Variants in CCDC66 observed in about 807,000 individuals in gnomAD.
The protein encoded by CCDC66 is coiled-coil domain-containing protein 66.
A neutral mutation model predicts 128.3 loss-of-function variants in CCDC66; 133 were observed. That is an observed-to-expected ratio of 1.04 (90% CI 0.90 to 1.20). CCDC66 has a LOEUF of 1.20. Among genes scored for constraint, CCDC66 ranks in the 50% most tolerant of loss-of-function variants. CCDC66 has a pLI of 0.00. For synonymous variants in CCDC66, 387 were observed against 357.0 expected (o/e 1.08, Z -0.95); for missense variants, 1,126 against 1,075.5 (o/e 1.05, Z -0.66).
chr3:56,615,552 A>G (rs906733171), intron 12 of CCDC66: 21 of 354,678 alleles, frequency 5.9e-5, no homozygotes, highest in African/African-American at 4.1e-4. Context: ...ATGATTGCCT[A>G]TTTTTAATAC....
In CCDC66 at chr3:56,559,014, GAT is replaced by G; in HGVS notation, c.76+107_76+108del. On this transcript the variant is annotated intron_variant, in intron 2 of 17. Coordinates refer to ENST00000394672, the MANE Select transcript of CCDC66 (RefSeq NM_001141947.3). ...GCTTGTAATAGAGTGATATTTAAAT[GAT>G]ATTTTAGAAAAAGCTGTTTCCTCAA... 4 of 816,154 alleles carry G rather than the reference GAT, an allele frequency of 4.9e-6. No homozygotes were observed. In the South Asian group the frequency reaches 7.3e-5, roughly 15 times the overall value. 50.6% of individuals were successfully genotyped at this position (816,154 alleles called of 1,614,324 possible).
At chr3:56,592,202 A>T (rs969658597) in intron 7 of CCDC66, among the ~76,000 whole-genome samples, 20 of 152,218 alleles carry the variant, frequency 1.3e-4, no homozygotes, top group Admixed American at 2.0e-4. Context: ...GACATGATTC[A>T]ATAGGGAAAG....
Position 56,615,273 on chromosome 3 carries a change from G to C in CCDC66, c.1711+1G>C. The C allele has an allele frequency of 6.2e-7, 1 of 1,608,392 alleles. No individual in the cohort carries two copies. Among genetic ancestry groups the C allele is most frequent in the Non-Finnish European group, 8.5e-7 (1 of 1,177,604 alleles). Reference sequence around the variant, plus strand: ...TCTAGACTGATTAAAAATCTTGGTGGTAAGGGCCTAACCAGAACTTTATTT... The same window carrying C: ...TCTAGACTGATTAAAAATCTTGGTGCTAAGGGCCTAACCAGAACTTTATTT... On this transcript the variant is annotated splice_donor_variant, in intron 12 of 17. Transcript: ENST00000394672. LOFTEE classifies it high-confidence loss of function.
chr3:56,574,915 A>G (rs1191887648), intron 7 of CCDC66, among the ~76,000 whole-genome samples: 1 of 151,802 alleles, frequency 6.6e-6, no homozygotes, highest in Non-Finnish European at 1.5e-5. Context: ...GTATGTATAT[A>G]CCATGTTTTC....
At chr3:56,583,430 G>T (rs1337092180) in intron 7 of CCDC66, among the ~76,000 whole-genome samples, 1 of 151,902 alleles carries the variant, frequency 6.6e-6, no homozygotes. Context: ...GGTTCTCCTA[G>T]GCAGAGGACC....
At chr3:56,572,960 T>G (rs1427455761) in intron 7 of CCDC66, 1 of 152,190 alleles carries the variant, frequency 6.6e-6, no homozygotes, top group African/African-American at 2.4e-5. Context: ...TGTGTAAAGT[T>G]TAGAAGTTGT....
chr3:56,593,770 T>C, intron 9 of CCDC66, 29 bp downstream of exon 9: 2 of 1,602,534 alleles, frequency 1.2e-6, no homozygotes, highest in South Asian at 2.2e-5. Context: ...ATTTATTGAC[T>C]TTTCAGAAAG....
chr3:56,581,931 C>G (rs142085144), intron 7 of CCDC66, among the ~76,000 whole-genome samples: 4,878 of 151,960 alleles, frequency 0.032, 134 homozygotes, highest in Middle Eastern at 0.078. Context: ...AAGCACTACT[C>G]TCTTCAAAGC....
In CCDC66 at chr3:56,617,453, G is replaced by T. The variant is rs1020180694; in HGVS notation, c.2185G>T (p.Glu729Ter). Residue 729 changes from glutamate (E) to a stop codon, truncating the protein, a stop_gained, in exon 14 of 18, where the codon GAA (glutamate) becomes TAA (stop). Transcript: ENST00000394672. LOFTEE classifies it high-confidence loss of function. ...TAAACAGCTTCAAAAGCAGAGAGAA[G>T]AAAAAAAAGTAAGGAGGCAGATGGA... is the stretch of plus-strand genomic sequence containing the variant. ...YPKQLQKQRE[E>*]KKVRRQMELL... 8 of 1,612,980 alleles carry T rather than the reference G, an allele frequency of 5.0e-6. No individual in the cohort carries two copies. The East Asian group carries it at 1.1e-4, about 22-fold the overall frequency.
chr3:56,617,072 T>G (rs752176094), intron 13 of CCDC66, 40 bp from the exon 14 acceptor site: 1 of 1,404,038 alleles, frequency 7.1e-7, no homozygotes, highest in African/African-American at 1.5e-5. Context: ...TTGAAAATTT[T>G]GTTTACAATT....
intron 10 of CCDC66, among the ~76,000 whole-genome samples, chr3:56,598,988 AAGAATTGGTTAGTTCTTTGATAGTTTGGT>A (rs2072649528): frequency 1.3e-5 from 2 of 151,958 alleles, no homozygotes; most frequent in Non-Finnish European, 2.9e-5. Flanking sequence ...ATAGTTTGGG[AAGAATTGGTTAGTTCTTTGATAGTTTGGT>A]AGAATTCATT....
intron 10 of CCDC66, among the ~76,000 whole-genome samples, chr3:56,612,865 C>T (rs1389176335): frequency 6.6e-6 from 1 of 152,152 alleles, no homozygotes; most frequent in Non-Finnish European, 1.5e-5. Flanking sequence ...GCAGACCTGC[C>T]CCCGGGTTCC....
At position 56,621,704 on chromosome 3, in the gene CCDC66, GCCTAGATTTA is replaced by G. The variant is rs1224750467; in HGVS notation, c.*88_*97del. The G allele has an allele frequency of 1.8e-5, 16 of 872,296 alleles. No individual in the cohort carries two copies. The highest frequency in any genetic ancestry group is 2.3e-5 in the Non-Finnish European group (13 of 568,000). 54.0% of individuals were successfully genotyped at this position (872,296 alleles called of 1,614,324 possible). ...CTGGCTCAACTGTATTTTTCAAATA[GCCTAGATTTA>G]CTTATTTTTTTAAATGCTCATTAAA... On this transcript the variant is annotated 3_prime_UTR_variant, in exon 18 of 18. Coordinates refer to ENST00000394672, the MANE Select transcript of CCDC66 (RefSeq NM_001141947.3).
rs949619732 is a variant in CCDC66 at position 56,584,617 on chromosome 3, C to T, written c.937-8353C>T. Among the ~76,000 whole-genome samples the T allele has an allele frequency of 2.3e-4, 35 of 149,522 alleles. 1 individual carries two copies. Among genetic ancestry groups the T allele is most frequent in the Non-Finnish European group, 2.4e-4 (16 of 67,500 alleles). On this transcript the variant is annotated intron_variant, in intron 7 of 17. Transcript: ENST00000394672. The stretch of plus-strand genomic sequence containing the variant: ...CTCCTGACTTCCCAGACTGGGCGGC[C>T]GGGCAGAGGGGCTCCTCACATCCCA...
rs1003404605 is a variant in CCDC66 at position 56,616,836 on chromosome 3, T to A, written c.1844-276T>A. The A allele has an allele frequency of 5.6e-5, 18 of 318,852 alleles. 1 individual carries two copies. The highest frequency in any genetic ancestry group is 9.3e-5 in the Admixed American group (2 of 21,560). The allele number at this position is 318,852 out of a possible 1,614,324, so 19.8% of individuals were successfully genotyped here. ...ATTCTACTGGTTGTGAAGTGGTATCTCAGGTGGTTTTGGTTTGCATTTCCC... is the reference window on the plus strand; with the variant it reads ...ATTCTACTGGTTGTGAAGTGGTATCACAGGTGGTTTTGGTTTGCATTTCCC... On this transcript the variant is annotated intron_variant, in intron 13 of 17. Transcript: ENST00000394672.
chr3:56,614,807 C>T (rs1163129801), intron 11 of CCDC66, among the ~76,000 whole-genome samples: 3 of 152,002 alleles, frequency 2.0e-5, no homozygotes, highest in Non-Finnish European at 4.4e-5. Flanking sequence ...ATTTGAACCG[C>T]AAGAAATGGT....
intron 10 of CCDC66, among the ~76,000 whole-genome samples, chr3:56,609,800 T>G (rs2074549824): frequency 6.6e-6 from 1 of 152,226 alleles, no homozygotes. Flanking sequence ...TAATGGCGAA[T>G]TCTCTCAGCA....
chr3:56,565,824 G>T (rs1432310789), intron 4 of CCDC66, among the ~76,000 whole-genome samples: 2 of 148,814 alleles, frequency 1.3e-5, no homozygotes, highest in Non-Finnish European at 3.0e-5. Context: ...CCGCCACCAC[G>T]CCCGGCTAAT....
Position 56,564,015 on chromosome 3 carries a change from TGAA to T in CCDC66, c.437_439del (p.Lys146del), listed in dbSNP as rs1162172732. 3 of 1,613,980 alleles carry T rather than the reference TGAA, an allele frequency of 1.9e-6. No homozygotes were observed. The highest frequency in any genetic ancestry group is 2.5e-6 in the Non-Finnish European group (3 of 1,179,948). On this transcript the variant is annotated inframe_deletion, in exon 4 of 18. Transcript: ENST00000394672. ...AAAAAACACATCACAGCTGAAAACA[TGAA>T]GAGCAGTTTGGTGTGTCTAACACAA...
Sources: gnomAD v4.1 joint callset for allele counts (sites outside exome capture counted in the v4.1 genomes callset) on GRCh38, gnomAD v4.1.1 for gene constraint, MANE v1.5 for transcripts, NCBI Gene and HGNC (gene_info 2026-07-23, HGNC 2026-07-21) for gene names.